The following SLC5A4 variants were observed in gnomAD, a reference collection of about 807,000 sequenced individuals.
SLC5A4 encodes probable glucose sensor protein SLC5A4.
A neutral mutation model predicts 70.3 loss-of-function variants in SLC5A4; 55 were observed. The observed-to-expected ratio is 0.78, with a 90% confidence interval of 0.63 to 0.98. SLC5A4 has a LOEUF of 0.98. Ranked by LOEUF, SLC5A4 falls within the 50% of genes least tolerant of loss-of-function variation. The pLI is 0.00. For missense variants in SLC5A4, 735 were observed against 839.2 expected, an observed-to-expected ratio of 0.88 and a Z score of 1.53; for synonymous variants, 268 against 305.7, an observed-to-expected ratio of 0.88 and a Z score of 1.29.
chr22:32,226,471 C>G (rs1222873542), intron 11 of SLC5A4, among the ~76,000 whole-genome samples: 1 of 152,200 alleles, frequency 6.6e-6, no homozygotes, highest in Non-Finnish European at 1.5e-5. Flanking sequence ...GGCCATTCAT[C>G]TCTCTCTGCT....
At chr22:32,265,799 C>T in the SLC5A4 span, among the ~76,000 whole-genome samples, 2 of 152,084 alleles carry the variant, frequency 1.3e-5, no homozygotes, top group African/African-American at 2.4e-5. Flanking sequence ...GAGATCATGC[C>T]ACTGCACTCC....
At chr22:32,305,145 T>C in the SLC5A4 span, among the ~76,000 whole-genome samples, 1 of 152,038 alleles carries the variant, frequency 6.6e-6, no homozygotes. Context: ...AGACCTTAAT[T>C]TGGGTTATTA....
intron 11 of SLC5A4, 63 bp downstream of exon 11, chr22:32,229,131 C>T: frequency 6.8e-7 from 1 of 1,470,042 alleles, no homozygotes. Context: ...CAAGGGAACT[C>T]TAGTTCACTT....
At chr22:32,341,070 G>A in the SLC5A4 span, among the ~76,000 whole-genome samples, 10 of 152,126 alleles carry the variant, frequency 6.6e-5, no homozygotes, top group Non-Finnish European at 8.8e-5. Flanking sequence ...GATGGTAGGA[G>A]GCAGCGGGGA....
the SLC5A4 span, among the ~76,000 whole-genome samples, chr22:32,318,073 C>T: frequency 2.6e-5 from 4 of 152,108 alleles, no homozygotes; most frequent in African/African-American, 9.7e-5. Context: ...CCACCTGCTT[C>T]CAGGACACTG....
At chr22:32,334,532 T>G in the SLC5A4 span, among the ~76,000 whole-genome samples, 1 of 152,212 alleles carries the variant, frequency 6.6e-6, no homozygotes, top group Non-Finnish European at 1.5e-5. Flanking sequence ...TCCTGCTGGT[T>G]GGCTGCTGTG....
chr22:32,251,738 A>G (rs1205289072), intron 3 of SLC5A4, 32 bp downstream of exon 3: 1 of 1,304,248 alleles, frequency 7.7e-7, no homozygotes, highest in East Asian at 2.3e-5. Context: ...TATGGTTTTG[A>G]TTTGAAGGAA....
chr22:32,307,473 C>T, the SLC5A4 span, among the ~76,000 whole-genome samples: 1 of 152,080 alleles, frequency 6.6e-6, no homozygotes, highest in East Asian at 1.9e-4. Flanking sequence ...AGGAATGGTT[C>T]CCAGAAGGGC....
At chr22:32,312,990 C>G in the SLC5A4 span, among the ~76,000 whole-genome samples, 1 of 152,002 alleles carries the variant, frequency 6.6e-6, no homozygotes, top group Non-Finnish European at 1.5e-5. Context: ...GGAAGCGAGA[C>G]AAAAATGTCG....
chr22:32,351,279 T>A, the SLC5A4 span, among the ~76,000 whole-genome samples: 37 of 152,322 alleles, frequency 2.4e-4, no homozygotes, highest in African/African-American at 8.9e-4. Context: ...ACGCTTCATT[T>A]TTTGATTCCC....
Position 32,246,620 on chromosome 22 carries a change from C to T in SLC5A4, c.477+791G>A, listed in dbSNP as rs189834601. On this transcript the variant is annotated intron_variant, in intron 5 of 14. Transcript: ENST00000266086. ...TTGGCTCACTGCAACCTCTGCCTCCCGTGTTCAAGCTATTCTCCTGCCTCA... is the reference window on the plus strand; with the variant it reads ...TTGGCTCACTGCAACCTCTGCCTCCTGTGTTCAAGCTATTCTCCTGCCTCA... 4.3e-4 allele frequency among the ~76,000 whole-genome samples: 66 copies of T among 152,190 alleles called. No homozygotes were observed. In the East Asian group the frequency reaches 4.8e-3, roughly 11 times the overall value.
chr22:32,252,993 CTGGTTTT>C, intron 2 of SLC5A4, among the ~76,000 whole-genome samples: 1 of 152,148 alleles, frequency 6.6e-6, no homozygotes, highest in Non-Finnish European at 1.5e-5. Flanking sequence ...TGGGATTGAG[CTGGTTTT>C]TGGCTTCAAG....
the SLC5A4 span, among the ~76,000 whole-genome samples, chr22:32,340,300 C>T: frequency 2.6e-5 from 4 of 152,178 alleles, no homozygotes; most frequent in Non-Finnish European, 4.4e-5. Flanking sequence ...GTTCATTGAT[C>T]GGACACTGTC....
At chr22:32,239,113 G>A (rs368579858) in intron 5 of SLC5A4, 23 bp from the exon 6 acceptor site, 4 of 1,579,164 alleles carry the variant, frequency 2.5e-6, no homozygotes, top group Non-Finnish European at 1.7e-6. Context: ...CAGTCAGGAT[G>A]AGAAAGAAAC....
At chr22:32,254,071 G>A (rs1015436910) in intron 2 of SLC5A4, 71 bp downstream of exon 2, 11 of 1,219,158 alleles carry the variant, frequency 9.0e-6, no homozygotes, top group Admixed American at 3.4e-5. Context: ...GTGAGACACC[G>A]CACCCAGCCT....
At chr22:32,307,735 T>G in the SLC5A4 span, among the ~76,000 whole-genome samples, 1 of 152,202 alleles carries the variant, frequency 6.6e-6, no homozygotes, top group Non-Finnish European at 1.5e-5. Flanking sequence ...ACATAGTAAG[T>G]GCACAGGCTT....
chr22:32,310,117 T>C, the SLC5A4 span, among the ~76,000 whole-genome samples: 5 of 151,242 alleles, frequency 3.3e-5, no homozygotes, highest in Non-Finnish European at 4.4e-5. Context: ...TCCTAGAAGG[T>C]TGTAAATCTC....
Position 32,235,004 on chromosome 22 carries a change from T to C in SLC5A4, c.754A>G (p.Ser252Gly). Residue 252 changes from serine (S) to glycine (G), a missense_variant, in exon 8 of 15, where the codon AGT becomes GGT. Ser to Gly is a moderately conservative substitution (Grantham distance 56). Coordinates refer to ENST00000266086, the MANE Select transcript of SLC5A4 (RefSeq NM_014227.3). ...SVVEGDNLTI[S>G]ASCYTPRADS... Reference sequence around the variant, plus strand: ...GCCCGAGGTGTGTAGCAACTGGCACTGATTGTCAAGTTGTCCCCCTCGACT... The same window carrying C: ...GCCCGAGGTGTGTAGCAACTGGCACCGATTGTCAAGTTGTCCCCCTCGACT... The C allele has an allele frequency of 6.2e-7, 1 of 1,613,804 alleles. No individual in the cohort carries two copies. Among genetic ancestry groups the C allele is most frequent in the South Asian group, 1.1e-5 (1 of 91,070 alleles).
chr22:32,327,651 G>C, the SLC5A4 span, among the ~76,000 whole-genome samples: 2 of 152,220 alleles, frequency 1.3e-5, no homozygotes, highest in African/African-American at 2.4e-5. Flanking sequence ...AAATGACAGA[G>C]AGCAGGTGTG....
Sources: gnomAD v4.1 joint callset for allele counts (sites outside exome capture counted in the v4.1 genomes callset) on GRCh38, gnomAD v4.1.1 for gene constraint, MANE v1.5 for transcripts, NCBI Gene and HGNC (gene_info 2026-07-23, HGNC 2026-07-21) for gene names.